Variants in RPTOR observed in about 807,000 individuals in gnomAD.
The protein encoded by RPTOR is regulatory associated protein of MTOR complex 1.
In RPTOR, 21 loss-of-function variants were observed where a neutral mutation model predicts 169.9. The ratio of observed to expected loss-of-function variants is 0.12; its 90% CI spans 0.09 to 0.18. RPTOR has a LOEUF of 0.18. Ranked by LOEUF, RPTOR falls within the 10% of genes least tolerant of loss-of-function variation. The pLI, the probability that RPTOR is intolerant of heterozygous loss-of-function variation, is 1.00. For synonymous variants in RPTOR, 732 were observed against 753.2 expected (o/e 0.97, Z 0.46); for missense variants, 1,133 against 1,855.9 (o/e 0.61, Z 7.16).
At chr17:80,862,657 G>A (rs113228289) in intron 13 of RPTOR, among the ~76,000 whole-genome samples, 9 of 121,618 alleles carry the variant, frequency 7.4e-5, no homozygotes, top group African/African-American at 1.2e-4. Context: ...GGTCCTCCGG[G>A]GCTCCGCCCA....
In RPTOR at chr17:80,602,785, C is replaced by G. The variant is rs1014308834; in HGVS notation, c.163-22906C>G. The G allele has an allele frequency of 1.0e-4, 71 of 707,956 alleles. No homozygotes were observed. In the Middle Eastern group the frequency reaches 1.1e-3, roughly 11 times the overall value. The allele number at this position is 707,956 out of a possible 1,614,324, so 43.9% of individuals were successfully genotyped here. ...TCCTTCATGTCAAATTTCCGAATCT[C>G]TCTGAGTGCCCAAGGGGCACGCTTC... is the stretch of plus-strand genomic sequence containing the variant. On this transcript the variant is annotated intron_variant, in intron 1 of 33. Transcript: ENST00000306801.
intron 6 of RPTOR, among the ~76,000 whole-genome samples, chr17:80,771,313 C>G (rs537557998): frequency 6.6e-6 from 1 of 152,334 alleles, no homozygotes; most frequent in South Asian, 2.1e-4. Context: ...ATAATCCCTC[C>G]TTCCTCACGC....
intron 13 of RPTOR, among the ~76,000 whole-genome samples, chr17:80,872,738 G>A (rs532373061): frequency 2.0e-5 from 3 of 152,330 alleles, no homozygotes; most frequent in African/African-American, 4.8e-5. Context: ...AGACTAGACC[G>A]AGCCCTGGCA....
Position 80,715,221 on chromosome 17 carries a change from G to A in RPTOR, c.507+7222G>A, listed in dbSNP as rs182205324. Reference sequence around the variant, plus strand: ...ACGTAGGTAGATCAGTGAAGAAAGAGAGAAAACACTTTATCAACATCAGCA... The same window carrying A: ...ACGTAGGTAGATCAGTGAAGAAAGAAAGAAAACACTTTATCAACATCAGCA... On this transcript the variant is annotated intron_variant, in intron 4 of 33. Transcript: ENST00000306801. 4.1e-3 allele frequency among the ~76,000 whole-genome samples: 619 copies of A among 152,268 alleles called. 5 individuals are homozygous for A. The highest frequency in any genetic ancestry group is 0.013 in the African/African-American group (552 of 41,554).
At chr17:80,850,214 G>A (rs1036462513) in intron 11 of RPTOR, among the ~76,000 whole-genome samples, 2 of 152,220 alleles carry the variant, frequency 1.3e-5, no homozygotes, top group South Asian at 2.1e-4. Flanking sequence ...TCAGCCCCTC[G>A]CACCTTTTGG....
intron 12 of RPTOR, 117 bp from the exon 13 acceptor site, chr17:80,857,673 T>C: frequency 1.5e-6 from 1 of 656,744 alleles, no homozygotes; most frequent in Admixed American, 2.4e-5. Context: ...CATTCATTCC[T>C]GTTGCGTTTC....
intron 4 of RPTOR, among the ~76,000 whole-genome samples, chr17:80,728,628 T>C (rs2066361348): frequency 1.3e-5 from 2 of 152,186 alleles, no homozygotes; most frequent in Non-Finnish European, 2.9e-5. Context: ...GATTTGTTTG[T>C]CTCCCTCACT....
At chr17:80,941,298 AC>A (rs1281403027) in intron 25 of RPTOR, 2 of 152,524 alleles carry the variant, frequency 1.3e-5, no homozygotes, top group Admixed American at 1.3e-4. Flanking sequence ...GTTGCCGCAG[AC>A]AGCGGAGGGA....
At chr17:80,590,201 C>T (rs1319889519) in intron 1 of RPTOR, among the ~76,000 whole-genome samples, 1 of 151,770 alleles carries the variant, frequency 6.6e-6, no homozygotes, top group Non-Finnish European at 1.5e-5. Flanking sequence ...TGCGCACATG[C>T]GTGCACACAG....
At chr17:80,585,998 CAGT>C (rs1470392728) in intron 1 of RPTOR, among the ~76,000 whole-genome samples, 1 of 152,048 alleles carries the variant, frequency 6.6e-6, no homozygotes, top group Non-Finnish European at 1.5e-5. Context: ...GCCCCGTTCT[CAGT>C]GGTGGCCGTG....
At chr17:80,614,100 C>G (rs1167201013) in intron 1 of RPTOR, among the ~76,000 whole-genome samples, 1 of 152,178 alleles carries the variant, frequency 6.6e-6, no homozygotes, top group Non-Finnish European at 1.5e-5. Context: ...TGTCAGCACC[C>G]CTAGGTGCTG....
chr17:80,705,410 T>C lies in RPTOR; in HGVS notation c.349-2431T>C, dbSNP rs566571976. Among the ~76,000 whole-genome samples the C allele has an allele frequency of 2.0e-5, 3 of 152,304 alleles. No homozygotes were observed. The South Asian group carries it at 6.2e-4, about 32-fold the overall frequency. On this transcript the variant is annotated intron_variant, in intron 3 of 33. Transcript: ENST00000306801. ...TTAGCTTTTGGTTCTCTAATGGGCTTTGCTTGCAGGTACAAAAATTTGGGG... is the reference window on the plus strand; with the variant it reads ...TTAGCTTTTGGTTCTCTAATGGGCTCTGCTTGCAGGTACAAAAATTTGGGG...
chr17:80,793,205 A>G (rs1328339667), intron 7 of RPTOR, among the ~76,000 whole-genome samples: 1 of 152,206 alleles, frequency 6.6e-6, no homozygotes, highest in Non-Finnish European at 1.5e-5. Context: ...GATTAGTGAT[A>G]AATCCAAAAA....
intron 3 of RPTOR, among the ~76,000 whole-genome samples, chr17:80,647,128 G>A (rs1034272664): frequency 4.6e-5 from 7 of 152,158 alleles, no homozygotes; most frequent in African/African-American, 1.2e-4. Context: ...TATCTGGCCC[G>A]TATTTCCTTG....
At chr17:80,612,409 G>T (rs753523480) in intron 1 of RPTOR, among the ~76,000 whole-genome samples, 1 of 152,160 alleles carries the variant, frequency 6.6e-6, no homozygotes, top group African/African-American at 2.4e-5. Context: ...AGGATTGCAG[G>T]TGTGAGCCAC....
intron 24 of RPTOR, among the ~76,000 whole-genome samples, chr17:80,935,817 T>C (rs1437467061): frequency 6.6e-6 from 1 of 152,156 alleles, no homozygotes; most frequent in Non-Finnish European, 1.5e-5. Context: ...GGCAATGTCT[T>C]CTTTAATAAG....
At chr17:80,764,172 T>TTTA (rs372094191) in intron 6 of RPTOR, among the ~76,000 whole-genome samples, 3,354 of 86,258 alleles carry the variant, frequency 0.039, 77 homozygotes, top group South Asian at 0.072. Context: ...TTTATTTTAT[T>TTTA]TTATTATTAT....
At position 80,880,394 on chromosome 17, in the gene RPTOR, CCT is replaced by C; in HGVS notation, c.1510-18_1510-17del. On this transcript the variant is annotated intron_variant, in intron 13 of 33. Transcript: ENST00000306801. ...GCGGGACACTGCACTCACTGCCTCT[CCT>C]CTGTCTCTTTCTGTCCAGTCGTGCC... The C allele has an allele frequency of 6.2e-7, 1 of 1,611,886 alleles. No individual in the cohort carries two copies. Among genetic ancestry groups the C allele is most frequent in the Admixed American group, 1.7e-5 (1 of 60,032 alleles).
Position 80,836,761 on chromosome 17 carries a change from G to T in RPTOR, c.1137-1161G>T, listed in dbSNP as rs370783479. On this transcript the variant is annotated intron_variant, in intron 9 of 33. Coordinates refer to ENST00000306801, the MANE Select transcript of RPTOR (RefSeq NM_020761.3). ...AGGGGGCTGTTAGGACAACACCGAG[G>T]CTCTGACAAGGCCATGTCAGGAAAG... 3.9e-5 allele frequency among the ~76,000 whole-genome samples: 6 copies of T among 152,294 alleles called. No homozygotes were observed. In the East Asian group the frequency reaches 1.2e-3, roughly 29 times the overall value.
Sources: allele counts gnomAD v4.1 joint callset (sites outside exome capture counted in the v4.1 genomes callset), GRCh38; gene constraint gnomAD v4.1.1; transcripts MANE v1.5; gene names NCBI Gene and HGNC (gene_info 2026-07-23, HGNC 2026-07-21).